Variants in PKD1 observed in about 807,000 individuals in gnomAD.
PKD1 encodes polycystin 1, transient receptor potential channel interacting.
PKD1 carries 81 observed loss-of-function variants against 361.7 expected under a neutral mutation model. That is an observed-to-expected ratio of 0.22 (90% CI 0.19 to 0.27). The LOEUF (loss-of-function observed/expected upper bound fraction) is 0.27, where lower values mean the gene tolerates loss of function less well. Among genes scored for constraint, PKD1 ranks in the 10% least tolerant of loss-of-function variants. PKD1 has a pLI of 1.00. For synonymous variants in PKD1, 3,615 were observed against 2,818.3 expected, an observed-to-expected ratio of 1.28 and a Z score of -8.95; for missense variants, 6,399 against 6,118.3, an observed-to-expected ratio of 1.05 and a Z score of -1.53.
Position 2,089,955 on chromosome 16 carries a change from T to G in PKD1, c.12684A>C (p.Arg4228=). 1 of 1,612,016 alleles carries G rather than the reference T, an allele frequency of 6.2e-7. No homozygotes were observed. The highest frequency in any genetic ancestry group is 8.5e-7 in the Non-Finnish European group (1 of 1,179,718). The part of the protein sequence containing the change: ...VFEALLTQFD[R]LNQATEDVYQ... ...AGACGTCCTCTGTGGCCTGGTTGAG[T>G]CGGTCAAACTGGGTGAGCAGGGCCT... The change falls in exon 46 of 46, where the codon CGA becomes CGC. Residue 4228 remains arginine, a synonymous_variant. Coordinates refer to ENST00000262304, the MANE Select transcript of PKD1 (RefSeq NM_001009944.3).
At position 2,102,889 on chromosome 16, in the gene PKD1, G is replaced by A. The variant is rs750780241; in HGVS notation, c.8873C>T (p.Ser2958Leu). The A allele has an allele frequency of 2.2e-5, 36 of 1,609,948 alleles. No homozygotes were observed. The Admixed American group carries it at 4.0e-4, about 18-fold the overall frequency. The change falls in exon 24 of 46, where the codon TCG becomes TTG. Residue 2958 changes from serine to leucine, a missense_variant. Ser to Leu is a moderately radical substitution (Grantham distance 145). Transcript: ENST00000262304. ...CTCTGGGCGGATCCTCCTGCTAGCC[G>A]AGCAGTTGTGCTCATTGGGCCGGGG... The part of the protein sequence containing the change: ...SEPRPNEHNC[S>L]ASRRIRPESL...
chr16:2,098,338 A>G (rs1041792997), intron 30 of PKD1: 2 of 375,100 alleles, frequency 5.3e-6, no homozygotes, highest in African/African-American at 2.1e-5. Context: ...CCTCCTGAGT[A>G]GCTGGGATTA....
At position 2,092,139 on chromosome 16, in the gene PKD1, T is replaced by C. The variant is rs537179634; in HGVS notation, c.11319A>G (p.Ala3773=). ...PGPRVHTCSA[A]GGFSTSDYDV... ...CGTAATCGCTGGTGCTGAAGCCTCC[T>C]GCGGCCGAGCACGTGTGGACCCTGG... The change falls in exon 40 of 46, where the codon GCA becomes GCG. Residue 3773 remains alanine (A), a synonymous_variant. Coordinates refer to ENST00000262304, the MANE Select transcript of PKD1 (RefSeq NM_001009944.3). The C allele has an allele frequency of 1.1e-4, 175 of 1,612,660 alleles. 1 individual carries two copies. The South Asian group carries it at 1.9e-3, about 17-fold the overall frequency.
intron 34 of PKD1, among the ~76,000 whole-genome samples, chr16:2,094,470 C>G (rs910949065): frequency 4.6e-5 from 7 of 152,218 alleles, no homozygotes; most frequent in Non-Finnish European, 1.0e-4. Flanking sequence ...CCATCGCCCA[C>G]AGCCTGACCA....
Position 2,091,414 on chromosome 16 carries a change from C to T in PKD1, c.11712+9G>A, listed in dbSNP as rs1346859891. ...GGGAGGCGCGGGGTCTGGCCGGGGA[C>T]GGGCGTACCGAGGTGAGCAGAGGCA... On this transcript the variant is annotated intron_variant, in intron 42 of 45. Coordinates refer to ENST00000262304, the MANE Select transcript of PKD1 (RefSeq NM_001009944.3). 3 of 1,139,836 alleles carry T rather than the reference C, an allele frequency of 2.6e-6. No individual in the cohort carries two copies. The highest frequency in any genetic ancestry group is 4.9e-5 in the East Asian group (1 of 20,276). The allele number at this position is 1,139,836 out of a possible 1,614,324, so 70.6% of individuals were successfully genotyped here. A position where few individuals can be genotyped will look rare whatever the true frequency, so the allele number is the denominator to read the frequency against.
intron 6 of PKD1, among the ~76,000 whole-genome samples, chr16:2,117,269 C>A (rs947569083): frequency 6.6e-6 from 1 of 152,190 alleles, no homozygotes; most frequent in Non-Finnish European, 1.5e-5. Flanking sequence ...GGCCACCTCC[C>A]GTATGGCGTG....
Position 2,110,843 on chromosome 16 carries a change from G to C in PKD1, c.4324C>G (p.Leu1442Val), listed in dbSNP as rs770256680. ...TTGTTGGACGCGGTGACTGTCACAAGATAGGAGCCTGGGTCTCGGTAGATG... is the reference window on the plus strand; with the variant it reads ...TTGTTGGACGCGGTGACTGTCACAACATAGGAGCCTGGGTCTCGGTAGATG... ...TFIYRDPGSY[L>V]VTVTASNNIS... Residue 1442 changes from leucine (L) to valine (V), a missense_variant, in exon 15 of 46, where the codon CTT becomes GTT. Transcript: ENST00000262304. The C allele has an allele frequency of 6.2e-7, 1 of 1,611,878 alleles. No individual in the cohort carries two copies.
chr16:2,105,684 C>G (rs2092313229), intron 20 of PKD1, 181 bp downstream of exon 20: 1 of 1,333,298 alleles, frequency 7.5e-7, no homozygotes, highest in East Asian at 2.5e-5. Context: ...AAAGCAGACG[C>G]CGGAGAGGGC....
chr16:2,093,164 T>G, intron 37 of PKD1, 71 bp from the exon 38 acceptor site: 1 of 1,566,230 alleles, frequency 6.4e-7, no homozygotes, highest in Non-Finnish European at 8.8e-7. Context: ...TGGCAACGGC[T>G]GGAGCCATGG....
intron 1 of PKD1, among the ~76,000 whole-genome samples, chr16:2,129,294 G>A (rs896049313): frequency 6.6e-6 from 1 of 150,774 alleles, no homozygotes; most frequent in Non-Finnish European, 1.5e-5. Flanking sequence ...CAACTAGCTG[G>A]GACTACAGGC....
chr16:2,107,660 C>T (rs1193481258), intron 16 of PKD1: 1 of 622,990 alleles, frequency 1.6e-6, no homozygotes, highest in Admixed American at 2.3e-5. Flanking sequence ...GACTGTGTAG[C>T]TTTTGCCACT....
chr16:2,116,906 G>A lies in PKD1; in HGVS notation c.1533C>T (p.Leu511=), dbSNP rs570750726. ...CGGTGTTACACCACCCGGTGGGCCC[G>A]AGCCGGACGCAGTGCTCGGCTGTGG... ...HPATAEHCVR[L]GPTGWCNTDL... is the part of the protein sequence containing the mutation. The change falls in exon 7 of 46, where the codon CTC becomes CTT. Residue 511 remains leucine, a synonymous_variant. Transcript: ENST00000262304. 640 of 1,521,040 alleles carry A rather than the reference G, an allele frequency of 4.2e-4. 1 individual carries two copies. Among genetic ancestry groups the A allele is most frequent in the Middle Eastern group, 1.4e-3 (6 of 4,322 alleles). 94.2% of individuals were successfully genotyped at this position (1,521,040 alleles called of 1,614,324 possible).
Position 2,100,717 on chromosome 16 carries a change from G to A in PKD1, c.9398-151C>T. ...ACGGCTCTGCCATACACAAGGAGCTGCGGTTACTGCAATTTGTCCAATTAA... is the reference window on the plus strand; with the variant it reads ...ACGGCTCTGCCATACACAAGGAGCTACGGTTACTGCAATTTGTCCAATTAA... On this transcript the variant is annotated intron_variant, in intron 26 of 45. Transcript: ENST00000262304. This position sits in a 1 kb window ranked among gnomAD's most constrained non-coding sequence, Gnocchi z 4.4. The A allele has an allele frequency of 1.6e-6, 1 of 640,828 alleles. No individual in the cohort carries two copies. Among genetic ancestry groups the A allele is most frequent in the South Asian group, 1.8e-5 (1 of 54,198 alleles). 39.7% of individuals were successfully genotyped at this position (640,828 alleles called of 1,614,324 possible).
rs1356959308 is a variant in PKD1, at chr16:2,111,090, C to G, written c.4077G>C (p.Leu1359=). 1 of 1,610,708 alleles carries G rather than the reference C, an allele frequency of 6.2e-7. No individual in the cohort carries two copies. Among genetic ancestry groups the G allele is most frequent in the East Asian group, 2.2e-5 (1 of 44,880 alleles). Residue 1359 remains leucine, a synonymous_variant, in exon 15 of 46, where the codon CTG becomes CTC. Transcript: ENST00000262304. The part of the protein sequence containing the change: ...FTRSGTFPLA[L]VLSSRVNRAH... ...CCCTGTTCACGCGGCTGGACAGCAC[C>G]AGCGCCAGGGGGAACGTGCCGCTCC...
intron 13 of PKD1, 46 bp from the exon 14 acceptor site, chr16:2,112,519 G>A (rs751026050): frequency 6.4e-7 from 1 of 1,555,186 alleles, no homozygotes; most frequent in Non-Finnish European, 8.7e-7. Flanking sequence ...ACAGGGGTGG[G>A]CGGTGGCGGG....
Position 2,089,848 on chromosome 16 carries a change from G to T in PKD1, c.12791C>A (p.Pro4264Gln), listed in dbSNP as rs752085023. The T allele has an allele frequency of 6.2e-7, 1 of 1,607,042 alleles. No homozygotes were observed. The highest frequency in any genetic ancestry group is 2.2e-5 in the East Asian group (1 of 44,680). The change falls in exon 46 of 46, where the codon CCG becomes CAG. Residue 4264 changes from proline (P) to glutamine (Q), a missense_variant. Pro to Gln is a moderately conservative substitution (Grantham distance 76). Coordinates refer to ENST00000262304, the MANE Select transcript of PKD1 (RefSeq NM_001009944.3). ...APAGSSRGPS[P>Q]GLRPALPSRL... ...GCTGGGCAGTGCTGGCCGCAGGCCC[G>T]GGGATGGGCCACGGGAAGATCCGGC...
At chr16:2,107,462 G>A (rs1307595657) in intron 16 of PKD1, 2 of 366,214 alleles carry the variant, frequency 5.5e-6, no homozygotes, top group Non-Finnish European at 1.0e-5. Flanking sequence ...GGCACCAGCA[G>A]GCCCCGCCTG....
chr16:2,091,951 G>A (rs1046045524), intron 40 of PKD1, 45 bp from the exon 41 acceptor site: 3 of 1,611,536 alleles, frequency 1.9e-6, no homozygotes, highest in African/African-American at 2.7e-5. Context: ...AGCCCTTCCG[G>A]CACCCCGGAG....
chr16:2,107,243 A>G (rs2258989), intron 16 of PKD1: 205,344 of 470,728 alleles, frequency 0.44, 47,560 homozygotes, highest in African/African-American at 0.6. Context: ...GATGCGTGTG[A>G]GAAGAGACGT....
Sources: gnomAD v4.1 joint callset for allele counts (sites outside exome capture counted in the v4.1 genomes callset) on GRCh38, gnomAD v4.1.1 for gene constraint, Gnocchi (gnomAD v3.1) non-coding constraint, MANE v1.5 for transcripts, NCBI Gene and HGNC (gene_info 2026-07-23, HGNC 2026-07-21) for gene names.